The following SLCO3A1 variants were observed in gnomAD, a reference collection of about 807,000 sequenced individuals.
SLCO3A1 encodes the protein PGE1 transporter.
SLCO3A1 carries 27 observed loss-of-function variants against 63.1 expected under a neutral mutation model. The ratio of observed to expected loss-of-function variants is 0.43; its 90% confidence interval spans 0.32 to 0.59. The LOEUF (loss-of-function observed/expected upper bound fraction) is 0.59, where lower values mean the gene tolerates loss of function less well. Ranked by LOEUF, SLCO3A1 falls within the 20% of genes least tolerant of loss-of-function variation. The probability of loss-of-function intolerance (pLI) is 0.09; values close to 1 mark genes in which losing one functional copy is unlikely to be tolerated. For synonymous variants in SLCO3A1, 473 were observed against 409.9 expected (o/e 1.15, Z -1.86); for missense variants, 773 against 945.8 (o/e 0.82, Z 2.40).
chr15:91,869,493 G>A (rs751873958), intron 1 of SLCO3A1, among the ~76,000 whole-genome samples: 5 of 150,008 alleles, frequency 3.3e-5, no homozygotes, highest in African/African-American at 7.4e-5. Context: ...CCAAGATGGC[G>A]CCACTGCACT....
In SLCO3A1 at chr15:91,949,387, T is replaced by G. The variant is rs905267249; in HGVS notation, c.646+32929T>G. On this transcript the variant is annotated intron_variant, in intron 2 of 9. Transcript: ENST00000318445. The stretch of plus-strand genomic sequence containing the variant: ...TAACTATACTGTAATCCCAGCACTT[T>G]GGGAGGCTGAGACAGGCAAATCGCT... 2.6e-5 allele frequency among the ~76,000 whole-genome samples: 4 copies of G among 152,138 alleles called. No homozygotes were observed. The South Asian group carries it at 8.3e-4, about 32-fold the overall frequency.
chr15:91,925,367 CCTT>C (rs1232634975), intron 2 of SLCO3A1, among the ~76,000 whole-genome samples: 1 of 152,116 alleles, frequency 6.6e-6, no homozygotes, highest in East Asian at 1.9e-4. Context: ...TGGTCTTCCT[CCTT>C]AGTGGGAAGT....
intron 2 of SLCO3A1, among the ~76,000 whole-genome samples, chr15:91,972,310 T>C (rs375933363): frequency 1.2e-4 from 19 of 152,088 alleles, no homozygotes; most frequent in African/African-American, 4.6e-4. Context: ...AATGTTTGTG[T>C]GAATCCTAAC....
At chr15:91,944,555 A>G (rs568600507) in intron 2 of SLCO3A1, among the ~76,000 whole-genome samples, 151 of 152,062 alleles carry the variant, frequency 9.9e-4, no homozygotes, top group Non-Finnish European at 1.8e-3. Context: ...CTCCCTTTGG[A>G]ACTCTGTCAC....
rs72182901 is a variant in SLCO3A1, at chr15:92,163,554, AT to A, written c.*421del. On this transcript the variant is annotated 3_prime_UTR_variant, in exon 10 of 10. Coordinates refer to ENST00000318445, the MANE Select transcript of SLCO3A1 (RefSeq NM_013272.4). ...AAAGAAGTTTCCTAAAATAAAAAAA[AT>A]TAAAAAAAAAAAACCCACAAGTTGA... 0.5 allele frequency: 451,837 copies of A among 904,062 alleles called. 53,641 individuals are homozygous for A. Among genetic ancestry groups the A allele is most frequent in the African/African-American group, 0.67 (36,123 of 54,014 alleles). The allele number at this position is 904,062 out of a possible 1,614,324, so 56.0% of individuals were successfully genotyped here.
chr15:92,116,631 T>C (rs2047798607), intron 4 of SLCO3A1, among the ~76,000 whole-genome samples: 1 of 152,230 alleles, frequency 6.6e-6, no homozygotes, highest in African/African-American at 2.4e-5. Context: ...GCTGCCTCCT[T>C]AAAAAGTCAG....
intron 2 of SLCO3A1, among the ~76,000 whole-genome samples, chr15:92,079,169 G>A (rs2047313183): frequency 6.6e-6 from 1 of 152,112 alleles, no homozygotes; most frequent in African/African-American, 2.4e-5. Flanking sequence ...GACATCTGGG[G>A]GCCCTGGGAT....
At position 91,967,238 on chromosome 15, in the gene SLCO3A1, A is replaced by C. The variant is rs1168582961; in HGVS notation, c.646+50780A>C. On this transcript the variant is annotated intron_variant, in intron 2 of 9. Transcript: ENST00000318445. The surrounding 1 kb of genome is among the most constrained non-coding windows in gnomAD (Gnocchi z 4.4). ...CCAGTGAGTTGTTACATTTTTATTC[A>C]TTTAAAATATTAAAATGACAATAAG... 1.3e-5 allele frequency among the ~76,000 whole-genome samples: 2 copies of C among 152,222 alleles called. No homozygotes were observed. The highest frequency in any genetic ancestry group is 4.8e-5 in the African/African-American group (2 of 41,456).
chr15:92,078,863 C>A (rs1036487248), intron 2 of SLCO3A1, among the ~76,000 whole-genome samples: 1 of 152,232 alleles, frequency 6.6e-6, no homozygotes, highest in Non-Finnish European at 1.5e-5. Context: ...GTCATCCTCA[C>A]TAGCAACAGA....
chr15:92,078,194 C>T (rs1375707864), intron 2 of SLCO3A1, among the ~76,000 whole-genome samples: 1 of 152,184 alleles, frequency 6.6e-6, no homozygotes, highest in Non-Finnish European at 1.5e-5. Context: ...TGAGTGAACA[C>T]CTGAGCATGC....
At chr15:92,168,431 G>T (rs1365982202), downstream of SLCO3A1, among the ~76,000 whole-genome samples, 1 of 152,204 alleles carries the variant, frequency 6.6e-6, no homozygotes, top group African/African-American at 2.4e-5. Context: ...CTCAACTGAT[G>T]TAGTACTGTG....
rs71912147 is a variant in SLCO3A1, at chr15:91,873,531, TACACACACAC to T, written c.180+19469_180+19478del. Among the ~76,000 whole-genome samples, 232 of 146,762 alleles carry T rather than the reference TACACACACAC, an allele frequency of 1.6e-3. 2 individuals are homozygous for T. The highest frequency in any genetic ancestry group is 5.6e-3 in the African/African-American group (224 of 39,960). On this transcript the variant is annotated intron_variant, in intron 1 of 9. Coordinates refer to ENST00000318445, the MANE Select transcript of SLCO3A1 (RefSeq NM_013272.4). ...TGCTTCATATATACAGCTACATTCA[TACACACACAC>T]ACACACACACACACACACACACACA...
chr15:91,935,706 C>G (rs979759339), intron 2 of SLCO3A1, among the ~76,000 whole-genome samples: 4 of 152,162 alleles, frequency 2.6e-5, no homozygotes, highest in African/African-American at 7.2e-5. Context: ...GGGGAATCCT[C>G]AAGAGGTTTC....
rs992724053 is a variant in SLCO3A1 at position 92,033,368 on chromosome 15, C to T, written c.647-61513C>T. On this transcript the variant is annotated intron_variant, in intron 2 of 9. Transcript: ENST00000318445. This position sits in a 1 kb window ranked among gnomAD's most constrained non-coding sequence, Gnocchi z 4.5. ...CTCCTCTCCTCCAAGAGCAGGGTAACTTCCTCCTCTTGCATTCTCCCTCCA... is the reference window on the plus strand; with the variant it reads ...CTCCTCTCCTCCAAGAGCAGGGTAATTTCCTCCTCTTGCATTCTCCCTCCA... Among the ~76,000 whole-genome samples, 1 of 152,232 alleles carries T rather than the reference C, an allele frequency of 6.6e-6. No individual in the cohort carries two copies. The highest frequency in any genetic ancestry group is 2.4e-5 in the African/African-American group (1 of 41,458).
In SLCO3A1 at chr15:92,071,002, C is replaced by G. The variant is rs1050306251; in HGVS notation, c.647-23879C>G. On this transcript the variant is annotated intron_variant, in intron 2 of 9. Transcript: ENST00000318445. ...TGAGATCAGCAATATATATGAGGCA[C>G]AAGGAACACAGAAAAGCAATCATAT... Among the ~76,000 whole-genome samples, 29 of 152,090 alleles carry G rather than the reference C, an allele frequency of 1.9e-4. 1 individual carries two copies. Among genetic ancestry groups the G allele is most frequent in the Admixed American group, 1.9e-3 (29 of 15,272 alleles).
chr15:91,904,280 C>T (rs1898237299), intron 1 of SLCO3A1, among the ~76,000 whole-genome samples: 1 of 152,134 alleles, frequency 6.6e-6, no homozygotes, highest in African/African-American at 2.4e-5. Context: ...GCACCTTGAC[C>T]AGATACTGTG....
chr15:92,020,504 C>T (rs2046495808), intron 2 of SLCO3A1, among the ~76,000 whole-genome samples: 1 of 152,236 alleles, frequency 6.6e-6, no homozygotes, highest in Non-Finnish European at 1.5e-5. Flanking sequence ...GGCTAACTAG[C>T]ATTGAAAATC....
intron 2 of SLCO3A1, among the ~76,000 whole-genome samples, chr15:91,927,389 T>G (rs1899067540): frequency 6.6e-6 from 1 of 152,158 alleles, no homozygotes; most frequent in Non-Finnish European, 1.5e-5. Flanking sequence ...ATTTTCCATG[T>G]GTTCTTACTA....
rs533817107 is a variant in SLCO3A1, at chr15:92,032,950, A to C, written c.647-61931A>C. Among the ~76,000 whole-genome samples the C allele has an allele frequency of 2.8e-4, 43 of 152,170 alleles. No individual in the cohort carries two copies. In the South Asian group the frequency reaches 8.9e-3, roughly 32 times the overall value. On this transcript the variant is annotated intron_variant, in intron 2 of 9. Transcript: ENST00000318445. ...GGGCGGGGCGGGCGGGGTGAGAGAA[A>C]ACAAGTCACATTTGGACACCTTGAT...
Sources: gnomAD v4.1 joint callset for allele counts (sites outside exome capture counted in the v4.1 genomes callset) on GRCh38, gnomAD v4.1.1 for gene constraint, Gnocchi (gnomAD v3.1) non-coding constraint, MANE v1.5 for transcripts, NCBI Gene and HGNC (gene_info 2026-07-23, HGNC 2026-07-21) for gene names.